FYN: variants seen among roughly 807,000 people sequenced by gnomAD.
FYN encodes FYN proto-oncogene, Src family tyrosine kinase.
In FYN, 10 loss-of-function variants were observed where a neutral mutation model predicts 70.2. That is an observed-to-expected ratio of 0.14 (90% CI 0.09 to 0.24). FYN has a LOEUF of 0.24. Among genes scored for constraint, FYN ranks in the 10% least tolerant of loss-of-function variants. The probability of loss-of-function intolerance (pLI) is 1.00; values close to 1 mark genes in which losing one functional copy is unlikely to be tolerated. For missense variants in FYN, 319 were observed against 673.1 expected (o/e 0.47, Z 5.82); for synonymous variants, 236 against 248.6 (o/e 0.95, Z 0.48).
intron 3 of FYN, among the ~76,000 whole-genome samples, chr6:111,755,124 T>G (rs1285452230): frequency 2.0e-5 from 3 of 152,146 alleles, no homozygotes; most frequent in Non-Finnish European, 2.9e-5. Flanking sequence ...CTGGCTGGAC[T>G]AGATGAGCTT....
At chr6:111,767,401 T>C (rs1803267053) in intron 3 of FYN, among the ~76,000 whole-genome samples, 1 of 152,184 alleles carries the variant, frequency 6.6e-6, no homozygotes, top group Non-Finnish European at 1.5e-5. Flanking sequence ...ACTTGGGCAC[T>C]ATTTTTTTAT....
chr6:111,678,501 A>G (rs1272844585), intron 12 of FYN, among the ~76,000 whole-genome samples: 1 of 152,184 alleles, frequency 6.6e-6, no homozygotes. Context: ...ACTCTGTGTA[A>G]TATCAGGGAT....
At chr6:111,703,447 G>C (rs17072829) in intron 7 of FYN, among the ~76,000 whole-genome samples, 9,250 of 152,148 alleles carry the variant, frequency 0.061, 734 homozygotes, top group African/African-American at 0.18. Context: ...AGAAATCTAA[G>C]GCTTGTTTCT....
intron 3 of FYN, among the ~76,000 whole-genome samples, chr6:111,735,965 G>A (rs1801692253): frequency 6.6e-6 from 1 of 152,220 alleles, no homozygotes; most frequent in South Asian, 2.1e-4. Flanking sequence ...GGGCTGGTAG[G>A]AGTGAGAAAT....
chr6:111,793,151 A>G (rs1243996829), intron 2 of FYN, among the ~76,000 whole-genome samples: 1 of 152,220 alleles, frequency 6.6e-6, no homozygotes, highest in East Asian at 1.9e-4. Context: ...GATAATTTGA[A>G]AATTTGCTGC....
At chr6:111,681,530 C>A (rs1053071338) in intron 12 of FYN, among the ~76,000 whole-genome samples, 13 of 152,120 alleles carry the variant, frequency 8.5e-5, no homozygotes, top group Non-Finnish European at 1.8e-4. Context: ...CTGTGTCCTG[C>A]ACTTAGCATG....
chr6:111,843,898 T>C (rs62413721), intron 2 of FYN, among the ~76,000 whole-genome samples: 6,629 of 151,782 alleles, frequency 0.044, 305 homozygotes, highest in African/African-American at 0.12. Flanking sequence ...TTTAGGGGAG[T>C]GTCAAGGAAG....
chr6:111,763,478 C>T (rs1412345638), intron 3 of FYN, among the ~76,000 whole-genome samples: 2 of 152,204 alleles, frequency 1.3e-5, no homozygotes, highest in Admixed American at 6.5e-5. Flanking sequence ...CGGATATCAA[C>T]AGGATAGGTA....
At chr6:111,732,363 T>G (rs1562495643) in intron 3 of FYN, among the ~76,000 whole-genome samples, 1 of 152,238 alleles carries the variant, frequency 6.6e-6, no homozygotes. Flanking sequence ...GCAGTTAATC[T>G]TCCCTTTTTC....
chr6:111,768,502 T>G (rs1216032585), intron 3 of FYN, among the ~76,000 whole-genome samples: 11 of 152,228 alleles, frequency 7.2e-5, no homozygotes, highest in African/African-American at 2.7e-4. Flanking sequence ...TAAGTATTGA[T>G]AAGTGGATAC....
chr6:111,809,293 G>A (rs188427049), intron 2 of FYN, among the ~76,000 whole-genome samples: 50 of 152,284 alleles, frequency 3.3e-4, no homozygotes, highest in Non-Finnish European at 7.4e-5. Context: ...CCACTAACCT[G>A]AAAAAGTTCT....
At chr6:111,832,972 G>A (rs1039055588) in intron 2 of FYN, among the ~76,000 whole-genome samples, 1 of 152,100 alleles carries the variant, frequency 6.6e-6, no homozygotes, top group Non-Finnish European at 1.5e-5. Context: ...TGCTTTTAAT[G>A]GTTTAATGCT....
intron 3 of FYN, among the ~76,000 whole-genome samples, chr6:111,734,346 G>C (rs57911309): frequency 6.6e-6 from 1 of 152,310 alleles, no homozygotes; most frequent in African/African-American, 2.4e-5. Context: ...AGAGCCTTGA[G>C]AAGGTACATT....
intron 9 of FYN, chr6:111,699,667 TTC>T: frequency 6.2e-7 from 1 of 1,612,988 alleles, no homozygotes; most frequent in Non-Finnish European, 8.5e-7. Context: ...ACCATCAGCT[TTC>T]TCTACAGGAA....
chr6:111,827,374 T>A (rs1583475144), intron 2 of FYN, among the ~76,000 whole-genome samples: 1 of 152,294 alleles, frequency 6.6e-6, no homozygotes, highest in Non-Finnish European at 1.5e-5. Context: ...GTTTTTCTCA[T>A]CCTTAACACC....
intron 3 of FYN, among the ~76,000 whole-genome samples, chr6:111,736,743 C>T (rs149392999): frequency 7.2e-5 from 11 of 152,284 alleles, no homozygotes; most frequent in Admixed American, 2.6e-4. Context: ...GAGTATTCAC[C>T]GTTCCACCAG....
intron 3 of FYN, among the ~76,000 whole-genome samples, chr6:111,760,083 G>GTCA (rs908159940): frequency 1.3e-5 from 2 of 151,770 alleles, no homozygotes; most frequent in Non-Finnish European, 2.9e-5. Context: ...AATATGAAGT[G>GTCA]TCATCATCAT....
intron 13 of FYN, among the ~76,000 whole-genome samples, chr6:111,667,717 G>A (rs1420498860): frequency 6.6e-6 from 1 of 152,182 alleles, no homozygotes; most frequent in Non-Finnish European, 1.5e-5. Flanking sequence ...AACATTCATT[G>A]TGCTTTCAGC....
intron 3 of FYN, among the ~76,000 whole-genome samples, chr6:111,734,895 T>C (rs1229658693): frequency 2.6e-5 from 4 of 152,206 alleles, no homozygotes; most frequent in African/African-American, 9.7e-5. Context: ...GCTGCCGGTA[T>C]AAAGTCAAGT....
Sources: gnomAD v4.1 joint callset for allele counts (sites outside exome capture counted in the v4.1 genomes callset) on GRCh38, gnomAD v4.1.1 for gene constraint, MANE v1.5 for transcripts, NCBI Gene and HGNC (gene_info 2026-07-23, HGNC 2026-07-21) for gene names.